The following IL34 variants were observed in gnomAD, a reference collection of about 807,000 sequenced individuals.
IL34 encodes the protein interleukin-34.
Under a neutral mutation model 25.3 loss-of-function variants are expected in IL34, and 17 were observed. That is an observed-to-expected ratio of 0.67 (90% confidence interval 0.46 to 1.01). The LOEUF is 1.01. Among genes scored for constraint, IL34 ranks in the 50% least tolerant of loss-of-function variants. The pLI is 0.00. For synonymous variants in IL34, 174 were observed against 140.9 expected (o/e 1.23, Z -1.66); for missense variants, 368 against 312.9 (o/e 1.18, Z -1.33).
chr16:70,642,746 C>G (rs1205852015), upstream of IL34, among the ~76,000 whole-genome samples: 1 of 152,176 alleles, frequency 6.6e-6, no homozygotes, highest in Non-Finnish European at 1.5e-5. Flanking sequence ...GAGACACAAA[C>G]ATTCAGTTCA....
chr16:70,606,751 C>A (rs1430237110), intron 1 of IL34, among the ~76,000 whole-genome samples: 1 of 152,048 alleles, frequency 6.6e-6, no homozygotes, highest in Non-Finnish European at 1.5e-5. Context: ...CCATGCCGGG[C>A]TAATTTTTGT....
intron 1 of IL34, among the ~76,000 whole-genome samples, chr16:70,633,980 A>G (rs755098977): frequency 2.0e-5 from 3 of 151,972 alleles, no homozygotes; most frequent in Non-Finnish European, 2.9e-5. Flanking sequence ...CCTCCGGAGT[A>G]GCTGGAATTA....
chr16:70,657,377 C>G, intron 4 of IL34: 1 of 452,290 alleles, frequency 2.2e-6, no homozygotes, highest in Non-Finnish European at 3.9e-6. Context: ...GGCTCTGCCT[C>G]TCTCCCTCTG....
intron 1 of IL34, among the ~76,000 whole-genome samples, chr16:70,630,584 C>CT (rs982285689): frequency 6.8e-4 from 96 of 141,858 alleles, no homozygotes; most frequent in Non-Finnish European, 1.1e-3. Context: ...TTTCTTTTTT[C>CT]TTTTTTTTTT....
In IL34 at chr16:70,646,900, A is replaced by G. The variant is rs2051947043; in HGVS notation, c.-48A>G. ...GCCGTGCTTAGGCCTCTGTGGACAC[A>G]CTGCTGGGGACGGCGCCTGAGCTCT... On this transcript the variant is annotated 5_prime_UTR_variant, in exon 1 of 6. Transcript: ENST00000288098. The G allele has an allele frequency of 3.4e-6, 5 of 1,473,324 alleles. No homozygotes were observed. Among genetic ancestry groups the G allele is most frequent in the African/African-American group, 3.0e-5 (2 of 67,466 alleles). 91.3% of individuals were successfully genotyped at this position (1,473,324 alleles called of 1,614,324 possible). A position where few individuals can be genotyped will look rare whatever the true frequency, so the allele number is the denominator to read the frequency against.
At chr16:70,620,028 C>T (rs970086540) in intron 1 of IL34, among the ~76,000 whole-genome samples, 6 of 151,948 alleles carry the variant, frequency 3.9e-5, no homozygotes, top group Non-Finnish European at 8.8e-5. Flanking sequence ...GTTTGTCTCA[C>T]AGTGGAGGCA....
chr16:70,630,974 C>T (rs1401622064), intron 1 of IL34, among the ~76,000 whole-genome samples: 4 of 152,150 alleles, frequency 2.6e-5, no homozygotes, highest in Admixed American at 1.3e-4. Flanking sequence ...GATATGTCTT[C>T]AATATACTGA....
At position 70,657,113 on chromosome 16, in the gene IL34, G is replaced by A. The variant is rs747528604; in HGVS notation, c.394G>A (p.Gly132Ser). The change falls in exon 4 of 6, where the codon GGC becomes AGC. Residue 132 changes from glycine to serine, a missense_variant. Physicochemically the swap from Gly to Ser is moderately conservative, Grantham distance 56. Coordinates refer to ENST00000288098, the MANE Select transcript of IL34 (RefSeq NM_001393494.1). ...VETLLLNVQQ[G>S]LTDVEVSPKV... ...GACGCTGCTGCTGAATGTCCAGCAGGGCCTCACGGTGAGTTGTGTGGAGGA... is the reference window on the plus strand; with the variant it reads ...GACGCTGCTGCTGAATGTCCAGCAGAGCCTCACGGTGAGTTGTGTGGAGGA... The A allele has an allele frequency of 1.2e-6, 2 of 1,612,694 alleles. No individual in the cohort carries two copies. The highest frequency in any genetic ancestry group is 2.2e-5 in the South Asian group (2 of 90,974).
At chr16:70,652,712 CTTT>C (rs11364449) in intron 1 of IL34, among the ~76,000 whole-genome samples, 1 of 151,966 alleles carries the variant, frequency 6.6e-6, no homozygotes, top group African/African-American at 2.4e-5. Flanking sequence ...TTGGTTATAT[CTTT>C]TTTGCTTTTC....
At chr16:70,647,248 T>C (rs919912132) in intron 1 of IL34, among the ~76,000 whole-genome samples, 3 of 152,036 alleles carry the variant, frequency 2.0e-5, no homozygotes, top group Admixed American at 6.5e-5. Flanking sequence ...TGGGGGTAGG[T>C]GGCAGCATCT....
chr16:70,593,325 G>T (rs8063029), intron 1 of IL34, among the ~76,000 whole-genome samples: 1 of 151,854 alleles, frequency 6.6e-6, no homozygotes, highest in African/African-American at 2.4e-5. Flanking sequence ...TTCAAGGATC[G>T]TGCTTTTGAT....
Position 70,656,609 on chromosome 16 carries a change from A to G in IL34, c.170A>G (p.Tyr57Cys). 2.2e-6 allele frequency: 3 copies of G among 1,338,880 alleles called. No individual in the cohort carries two copies. The highest frequency in any genetic ancestry group is 3.2e-6 in the Non-Finnish European group (3 of 928,548). 82.9% of individuals were successfully genotyped at this position (1,338,880 alleles called of 1,614,324 possible). ...YRSRLQYMKHYFPINYKISVP... is the reference protein window; with the variant it reads ...YRSRLQYMKHCFPINYKISVP... ...GTTCTTGTGCCTCTCCAGAAACACTACTTCCCCATCAACTACAAGATCAGT... is the reference window on the plus strand; with the variant it reads ...GTTCTTGTGCCTCTCCAGAAACACTGCTTCCCCATCAACTACAAGATCAGT... Residue 57 changes from tyrosine (Y) to cysteine (C), a missense_variant, in exon 3 of 6, where the codon TAC (tyrosine) becomes TGC (cysteine). By Grantham distance (194) the Tyr-to-Cys change is radical (BLOSUM62 -2). Transcript: ENST00000288098.
At chr16:70,593,328 C>A (rs1477351508) in intron 1 of IL34, among the ~76,000 whole-genome samples, 1 of 151,980 alleles carries the variant, frequency 6.6e-6, no homozygotes, top group Non-Finnish European at 1.5e-5. Context: ...AAGGATCGTG[C>A]TTTTGATATA....
intron 1 of IL34, among the ~76,000 whole-genome samples, chr16:70,624,233 C>G (rs201148166): frequency 6.6e-6 from 1 of 151,864 alleles, no homozygotes; most frequent in Non-Finnish European, 1.5e-5. Flanking sequence ...GCCAGATTTC[C>G]GGCACGTGTA....
chr16:70,623,942 A>G (rs1218838663), intron 1 of IL34, among the ~76,000 whole-genome samples: 3 of 138,746 alleles, frequency 2.2e-5, no homozygotes, highest in Non-Finnish European at 3.2e-5. Context: ...TGGAGTGGGT[A>G]GCCTCCGTAT....
intron 1 of IL34, among the ~76,000 whole-genome samples, chr16:70,624,624 T>C (rs1337744905): frequency 6.6e-6 from 1 of 152,072 alleles, no homozygotes; most frequent in Non-Finnish European, 1.5e-5. Flanking sequence ...GCTATCTGAT[T>C]TGGGATAAAG....
intron 1 of IL34, among the ~76,000 whole-genome samples, chr16:70,598,912 A>C (rs1373110066): frequency 6.6e-6 from 1 of 152,192 alleles, no homozygotes; most frequent in African/African-American, 2.4e-5. Context: ...AGAAGGTGCA[A>C]AATCACATCA....
intron 1 of IL34, among the ~76,000 whole-genome samples, chr16:70,615,827 C>A (rs1330366522): frequency 1.3e-5 from 2 of 152,174 alleles, no homozygotes; most frequent in South Asian, 4.2e-4. Flanking sequence ...GTGGTGCACA[C>A]CCGTGGTCTC....
intron 1 of IL34, among the ~76,000 whole-genome samples, chr16:70,626,858 T>C (rs1232620776): frequency 1.3e-5 from 2 of 152,216 alleles, no homozygotes; most frequent in Non-Finnish European, 2.9e-5. Context: ...TCATAAGCCA[T>C]TTATCATGAG....
Sources: allele counts gnomAD v4.1 joint callset (sites outside exome capture counted in the v4.1 genomes callset), GRCh38; gene constraint gnomAD v4.1.1; transcripts MANE v1.5; gene names NCBI Gene and HGNC (gene_info 2026-07-23, HGNC 2026-07-21).